Variants in NUP93 observed in about 807,000 individuals in gnomAD.
The protein encoded by NUP93 is nucleoporin 93, also known as nuclear pore complex protein Nup93.
NUP93 carries 55 observed loss-of-function variants against 107.8 expected under a neutral mutation model. The observed-to-expected ratio is 0.51, with a 90% CI of 0.41 to 0.64. The LOEUF (loss-of-function observed/expected upper bound fraction) is 0.64. Among genes scored for constraint, NUP93 ranks in the 30% least tolerant of loss-of-function variants. NUP93 has a pLI of 0.00. For missense variants in NUP93, 937 were observed against 1,044.7 expected (o/e 0.90, Z 1.42); for synonymous variants, 390 against 397.5 (o/e 0.98, Z 0.22).
At position 56,830,615 on chromosome 16, in the gene NUP93, A is replaced by C. The variant is rs762333192; in HGVS notation, c.1015A>C (p.Asn339His). The change falls in exon 10 of 22, where the codon AAT (asparagine) becomes CAT (histidine). Residue 339 changes from asparagine to histidine, a missense_variant. By Grantham distance (68) the Asn-to-His change is moderately conservative. Coordinates refer to ENST00000308159, the MANE Select transcript of NUP93 (RefSeq NM_014669.5). ...GDLLAASQVV[N>H]RAQHQLGEFK... Reference sequence around the variant, plus strand: ...CCTGCTTGCCGCTTCACAGGTAGTTAATCGAGCCCAGCACCAGCTGGGAGA... The same window carrying C: ...CCTGCTTGCCGCTTCACAGGTAGTTCATCGAGCCCAGCACCAGCTGGGAGA... 2.5e-6 allele frequency: 4 copies of C among 1,610,838 alleles called. No homozygotes were observed. Among genetic ancestry groups the C allele is most frequent in the Non-Finnish European group, 2.5e-6 (3 of 1,177,268 alleles).
intron 3 of NUP93, among the ~76,000 whole-genome samples, chr16:56,759,434 C>A (rs12599585): frequency 0.22 from 33,502 of 152,096 alleles, 3,799 homozygotes; most frequent in Middle Eastern, 0.34. Flanking sequence ...TACTCTCTAT[C>A]CTAGTAACCT....
intron 3 of NUP93, among the ~76,000 whole-genome samples, chr16:56,759,301 A>G (rs944605317): frequency 2.6e-5 from 4 of 152,246 alleles, no homozygotes; most frequent in African/African-American, 9.6e-5. Context: ...CATTAGAGTG[A>G]AGGGACAGTG....
chr16:56,783,097 G>A (rs536240281), intron 3 of NUP93, among the ~76,000 whole-genome samples: 1 of 152,050 alleles, frequency 6.6e-6, no homozygotes, highest in African/African-American at 2.4e-5. Context: ...CATTTAATTC[G>A]GCATTAAAAA....
chr16:56,802,161 C>T (rs1963034651), intron 4 of NUP93, among the ~76,000 whole-genome samples: 1 of 152,194 alleles, frequency 6.6e-6, no homozygotes, highest in South Asian at 2.1e-4. Flanking sequence ...TGCCACCTGG[C>T]CCTCCATTTT....
intron 1 of NUP93, among the ~76,000 whole-genome samples, chr16:56,736,550 A>G (rs1267938650): frequency 6.6e-6 from 1 of 152,168 alleles, no homozygotes; most frequent in Non-Finnish European, 1.5e-5. Flanking sequence ...TAAGTAAACA[A>G]TCTGAGGTAA....
chr16:56,794,078 G>GTAGGTAGGTAGATAGATAGA, intron 3 of NUP93, among the ~76,000 whole-genome samples: 1 of 129,850 alleles, frequency 7.7e-6, no homozygotes, highest in Non-Finnish European at 1.7e-5. Context: ...AGATAGGTAG[G>GTAGGTAGGTAGATAGATAGA]TAGGTAGGTA....
intron 3 of NUP93, among the ~76,000 whole-genome samples, chr16:56,763,482 TTGTGTGTGTGTGTGTGGGTGGG>T (rs758173224): frequency 6.7e-6 from 1 of 150,348 alleles, no homozygotes; most frequent in Non-Finnish European, 1.5e-5. Context: ...AAGGAACTGC[TTGTGTGTGTGTGTGTGGGTGGG>T]TGTGTGTGTG....
chr16:56,758,407 G>A, intron 2 of NUP93, 131 bp from the exon 3 acceptor site: 1 of 688,010 alleles, frequency 1.5e-6, no homozygotes, highest in Non-Finnish European at 2.6e-6. Context: ...CTATGTAAAA[G>A]TGTCTGGACA....
At chr16:56,832,115 C>T in intron 11 of NUP93, 108 bp downstream of exon 11, 3 of 1,383,570 alleles carry the variant, frequency 2.2e-6, no homozygotes, top group Non-Finnish European at 3.0e-6. Flanking sequence ...GTGATCAGGA[C>T]CAGTGGGTTC....
In NUP93 at chr16:56,745,017, G is replaced by C. The variant is rs543224258; in HGVS notation, c.-14-3217G>C. ...GTGCCAGGCACTGTTGTAGAAGCTT[G>C]GGTACGTCAGTGAACAAAACACTGT... On this transcript the variant is annotated intron_variant, in intron 1 of 21. Transcript: ENST00000308159. Among the ~76,000 whole-genome samples the C allele has an allele frequency of 8.6e-5, 13 of 152,002 alleles. No individual in the cohort carries two copies. In the East Asian group the frequency reaches 2.4e-3, roughly 28 times the overall value.
intron 16 of NUP93, among the ~76,000 whole-genome samples, chr16:56,835,985 C>T (rs1420190779): frequency 6.6e-6 from 1 of 151,964 alleles, no homozygotes; most frequent in Non-Finnish European, 1.5e-5. Flanking sequence ...AAAAATTAGC[C>T]AGGCGTGGTG....
Position 56,823,829 on chromosome 16 carries a change from G to T in NUP93, c.777G>T (p.Leu259Phe). ...EVRMEFVRQA[L>F]AYLEQSYKNY... is the part of the protein sequence containing the mutation. Reference sequence around the variant, plus strand: ...GCATGGAGTTTGTCAGGCAGGCCTTGGCGTACCTTGAGCAGAGGTAAGGCA... The same window carrying T: ...GCATGGAGTTTGTCAGGCAGGCCTTTGCGTACCTTGAGCAGAGGTAAGGCA... The change falls in exon 8 of 22, where the codon TTG becomes TTT. Residue 259 changes from leucine (L) to phenylalanine (F), a missense_variant. Leu to Phe is a conservative substitution (Grantham distance 22, BLOSUM62 0). Transcript: ENST00000308159. 1 of 1,613,980 alleles carries T rather than the reference G, an allele frequency of 6.2e-7. No homozygotes were observed. Among genetic ancestry groups the T allele is most frequent in the African/African-American group, 1.3e-5 (1 of 75,060 alleles).
chr16:56,822,332 C>T (rs1271790612), intron 7 of NUP93, among the ~76,000 whole-genome samples: 2 of 151,530 alleles, frequency 1.3e-5, no homozygotes, highest in African/African-American at 4.9e-5. Context: ...GGCAACATGG[C>T]AAGACCTCTT....
chr16:56,823,983 A>C, intron 8 of NUP93, 137 bp downstream of exon 8: 1 of 1,145,702 alleles, frequency 8.7e-7, no homozygotes, highest in Non-Finnish European at 1.2e-6. Context: ...AACAAGGTTC[A>C]GAGTTGTAAT....
rs934622151 is a variant in NUP93, at chr16:56,796,605, T to C, written c.298-1871T>C. On this transcript the variant is annotated intron_variant, in intron 3 of 21. Coordinates refer to ENST00000308159, the MANE Select transcript of NUP93 (RefSeq NM_014669.5). The stretch of plus-strand genomic sequence containing the variant: ...TACGTTTCCAATGCAAGAAAACGAT[T>C]GTGTTTTAATTTAGCTTGTCATTTG... Among the ~76,000 whole-genome samples, 5 of 152,258 alleles carry C rather than the reference T, an allele frequency of 3.3e-5. No homozygotes were observed. The East Asian group carries it at 9.6e-4, about 29-fold the overall frequency.
At chr16:56,817,363 C>T (rs1469252131) in intron 5 of NUP93, among the ~76,000 whole-genome samples, 1 of 152,322 alleles carries the variant, frequency 6.6e-6, no homozygotes, top group African/African-American at 2.4e-5. Flanking sequence ...TCTCCTGGTG[C>T]ATGCCCACTG....
At chr16:56,804,243 CA>C (rs1407184603) in intron 4 of NUP93, among the ~76,000 whole-genome samples, 2 of 152,110 alleles carry the variant, frequency 1.3e-5, no homozygotes, top group African/African-American at 2.4e-5. Flanking sequence ...GAATTGAAAG[CA>C]GGGATATTTG....
At chr16:56,830,164 G>T (rs1963750797) in intron 9 of NUP93, among the ~76,000 whole-genome samples, 1 of 152,186 alleles carries the variant, frequency 6.6e-6, no homozygotes, top group Admixed American at 6.5e-5. Context: ...TTGTGGGATT[G>T]TAGGAGTGCA....
At chr16:56,834,562 A>G (rs1963872102) in intron 15 of NUP93, 120 bp downstream of exon 15, 2 of 1,198,564 alleles carry the variant, frequency 1.7e-6, no homozygotes, top group Admixed American at 5.0e-5. Flanking sequence ...GAGTTTTTGG[A>G]GTTTCTTTGG....
Sources: allele counts gnomAD v4.1 joint callset (sites outside exome capture counted in the v4.1 genomes callset), GRCh38; gene constraint gnomAD v4.1.1; transcripts MANE v1.5; gene names NCBI Gene and HGNC (gene_info 2026-07-23, HGNC 2026-07-21).